TECRL: variants seen among roughly 807,000 people sequenced by gnomAD.
The protein encoded by TECRL is trans-2,3-enoyl-CoA reductase-like.
In TECRL, 63 loss-of-function variants were observed where a neutral mutation model predicts 52.8. The ratio of observed to expected loss-of-function variants is 1.19; its 90% CI spans 0.97 to 1.47. The LOEUF (loss-of-function observed/expected upper bound fraction) is 1.47, where lower values mean the gene tolerates loss of function less well. TECRL is among the 40% of genes most tolerant of loss of function. TECRL has a pLI of 0.00. For synonymous variants in TECRL, 164 were observed against 141.9 expected, an observed-to-expected ratio of 1.16 and a Z score of -1.10; for missense variants, 482 against 429.6, an observed-to-expected ratio of 1.12 and a Z score of -1.08.
intron 1 of TECRL, among the ~76,000 whole-genome samples, chr4:64,394,478 T>C (rs562518351): frequency 6.6e-6 from 1 of 152,198 alleles, no homozygotes; most frequent in African/African-American, 2.4e-5. Flanking sequence ...CCAAAGGTAC[T>C]AGTCCTAGAA....
At chr4:64,397,201 T>C (rs1724016923) in intron 1 of TECRL, among the ~76,000 whole-genome samples, 1 of 152,132 alleles carries the variant, frequency 6.6e-6, no homozygotes, top group African/African-American at 2.4e-5. Flanking sequence ...ATTCATTATA[T>C]ACCCAAACAG....
intron 4 of TECRL, among the ~76,000 whole-genome samples, chr4:64,322,453 T>TAAAAAA (rs77102922): frequency 8.7e-6 from 1 of 114,636 alleles, no homozygotes; most frequent in Non-Finnish European, 1.8e-5. Flanking sequence ...GGGTTGACTT[T>TAAAAAA]AAAAAAAAAA....
chr4:64,282,517 AT>A (rs973303648), intron 9 of TECRL, among the ~76,000 whole-genome samples: 2 of 151,936 alleles, frequency 1.3e-5, no homozygotes, highest in African/African-American at 4.8e-5. Flanking sequence ...GTTATTACTG[AT>A]TTTTTACAGC....
rs561908075 is a variant in TECRL at position 64,352,557 on chromosome 4, T to C, written c.286+22615A>G. On this transcript the variant is annotated intron_variant, in intron 2 of 11. Transcript: ENST00000381210. ...GAACAGTAAAGGGCAGAAAATTTTA[T>C]TGTTACATGTATCACCAATATCTTA... Among the ~76,000 whole-genome samples, 81 of 152,238 alleles carry C rather than the reference T, an allele frequency of 5.3e-4. 1 individual carries two copies. The highest frequency in any genetic ancestry group is 1.0e-3 in the Non-Finnish European group (71 of 68,034).
intron 2 of TECRL, among the ~76,000 whole-genome samples, chr4:64,341,131 C>T (rs557304059): frequency 1.3e-5 from 2 of 152,232 alleles, no homozygotes; most frequent in African/African-American, 4.8e-5. Context: ...TGTTGGGAGA[C>T]CCTGGTGGCA....
chr4:64,280,825 A>G (rs1490595463), intron 11 of TECRL, among the ~76,000 whole-genome samples: 2 of 152,168 alleles, frequency 1.3e-5, no homozygotes, highest in African/African-American at 4.8e-5. Flanking sequence ...CATTTGGATT[A>G]CAATCCCTGG....
intron 9 of TECRL, among the ~76,000 whole-genome samples, chr4:64,289,322 G>A (rs1723248634): frequency 6.6e-6 from 1 of 152,092 alleles, no homozygotes; most frequent in African/African-American, 2.4e-5. Context: ...AAAAACTAAA[G>A]GTAATTTGAA....
intron 1 of TECRL, among the ~76,000 whole-genome samples, chr4:64,389,349 A>T (rs946102558): frequency 6.6e-6 from 1 of 151,734 alleles, no homozygotes; most frequent in Non-Finnish European, 1.5e-5. Context: ...TTGTCAAATG[A>T]TTTCTCTGTA....
rs1722654456 is a variant in TECRL, at chr4:64,278,409, A to G, written c.*1663T>C. 2 of 244,536 alleles carry G rather than the reference A, an allele frequency of 8.2e-6. No individual in the cohort carries two copies. The highest frequency in any genetic ancestry group is 4.6e-5 in the African/African-American group (2 of 43,124). 15.1% of individuals were successfully genotyped at this position (244,536 alleles called of 1,614,324 possible). ...AATTATTGTCAAAATAATGAGATTC[A>G]AGTAATTTAAATGTCAAAACTTTAA... On this transcript the variant is annotated 3_prime_UTR_variant, in exon 12 of 12. Coordinates refer to ENST00000381210, the MANE Select transcript of TECRL (RefSeq NM_001010874.5).
intron 8 of TECRL, chr4:64,299,031 A>G (rs1429367168): frequency 6.6e-6 from 1 of 151,252 alleles, no homozygotes; most frequent in Non-Finnish European, 1.5e-5. Context: ...AGAAATTCCA[A>G]ATACATAAAT....
chr4:64,409,303 G>C lies in TECRL; in HGVS notation c.49C>G (p.Leu17Val). Residue 17 changes from leucine (L) to valine (V), a missense_variant, in exon 1 of 12, where the codon CTT becomes GTT. Transcript: ENST00000381210. ...SLASERKRAL[L>V]SQRATRFILK... Reference sequence around the variant, plus strand: ...ATGAACCGTGTAGCTCTTTGGGAAAGTAATGCTCTCTTGCGTTCCGAAGCG... The same window carrying C: ...ATGAACCGTGTAGCTCTTTGGGAAACTAATGCTCTCTTGCGTTCCGAAGCG... 3 of 1,613,800 alleles carry C rather than the reference G, an allele frequency of 1.9e-6. No individual in the cohort carries two copies. The highest frequency in any genetic ancestry group is 2.5e-6 in the Non-Finnish European group (3 of 1,179,796).
At chr4:64,328,904 AT>A (rs1317370385) in intron 2 of TECRL, among the ~76,000 whole-genome samples, 1 of 151,986 alleles carries the variant, frequency 6.6e-6, no homozygotes, top group Non-Finnish European at 1.5e-5. Flanking sequence ...GCTTGAAAAT[AT>A]TTTATTTAAA....
intron 8 of TECRL, among the ~76,000 whole-genome samples, chr4:64,291,695 A>G (rs1351261741): frequency 6.6e-6 from 1 of 152,002 alleles, no homozygotes; most frequent in African/African-American, 2.4e-5. Context: ...ATAATGAGCC[A>G]TGAAAAAAAT....
intron 2 of TECRL, among the ~76,000 whole-genome samples, chr4:64,350,398 AG>A (rs1285020152): frequency 1.3e-5 from 2 of 152,188 alleles, no homozygotes; most frequent in African/African-American, 4.8e-5. Context: ...TTACATAACT[AG>A]GTGTGAAGGT....
At chr4:64,333,248 C>A (rs975837259) in intron 2 of TECRL, among the ~76,000 whole-genome samples, 1 of 151,880 alleles carries the variant, frequency 6.6e-6, no homozygotes, top group Non-Finnish European at 1.5e-5. Context: ...TAGAAGAGTT[C>A]TAAAGAGCAA....
chr4:64,391,340 G>T (rs754021150), intron 1 of TECRL, among the ~76,000 whole-genome samples: 36 of 151,736 alleles, frequency 2.4e-4, no homozygotes, highest in Non-Finnish European at 4.6e-4. Context: ...ATTCTCAAAT[G>T]TATATTACCA....
chr4:64,316,129 T>C (rs1452487132), intron 4 of TECRL, among the ~76,000 whole-genome samples: 1 of 152,118 alleles, frequency 6.6e-6, no homozygotes, highest in Non-Finnish European at 1.5e-5. Flanking sequence ...CACCAATTGA[T>C]CTAGTGAAGT....
At chr4:64,355,811 A>AGAAC (rs1720733758) in intron 2 of TECRL, among the ~76,000 whole-genome samples, 1 of 19,954 alleles carries the variant, frequency 5.0e-5, no homozygotes. Context: ...AAAAAAGAAT[A>AGAAC]AGTTAAAACA....
At chr4:64,325,066 C>T (rs548553637) in intron 3 of TECRL, among the ~76,000 whole-genome samples, 1 of 152,094 alleles carries the variant, frequency 6.6e-6, no homozygotes, top group Non-Finnish European at 1.5e-5. Context: ...AGATCCAGTG[C>T]ATTGGGAAGA....
Sources: gnomAD v4.1 joint callset for allele counts (sites outside exome capture counted in the v4.1 genomes callset) on GRCh38, gnomAD v4.1.1 for gene constraint, MANE v1.5 for transcripts, NCBI Gene and HGNC (gene_info 2026-07-23, HGNC 2026-07-21) for gene names.